The following RABGAP1L variants were observed in gnomAD, a reference collection of about 807,000 sequenced individuals.
RABGAP1L encodes the protein rab GTPase-activating protein 1-like.
RABGAP1L carries 63 observed loss-of-function variants against 137.7 expected under a neutral mutation model. That is an observed-to-expected ratio of 0.46 (90% CI 0.37 to 0.56). The LOEUF (loss-of-function observed/expected upper bound fraction) is 0.56, where lower values mean the gene tolerates loss of function less well. Among genes scored for constraint, RABGAP1L ranks in the 20% least tolerant of loss-of-function variants. The pLI is 0.00. For synonymous variants in RABGAP1L, 431 were observed against 433.7 expected (o/e 0.99, Z 0.08); for missense variants, 1,095 against 1,244.0 (o/e 0.88, Z 1.80).
intron 11 of RABGAP1L, 25 bp from the exon 12 acceptor site, chr1:174,370,954 G>A: frequency 7.9e-6 from 10 of 1,266,230 alleles, no homozygotes; most frequent in Non-Finnish European, 1.1e-5. Flanking sequence ...AATAATGTTT[G>A]TTGGTTTTTG....
At chr1:174,800,111 G>T (rs904939748) in intron 18 of RABGAP1L, 1 of 1,366,874 alleles carries the variant, frequency 7.3e-7, no homozygotes, top group East Asian at 2.8e-5. Context: ...ATTTAGATCA[G>T]TACTTGATTT....
intron 11 of RABGAP1L, among the ~76,000 whole-genome samples, chr1:174,325,361 T>C (rs1239108123): frequency 6.6e-6 from 1 of 152,222 alleles, no homozygotes; most frequent in African/African-American, 2.4e-5. Context: ...TGGAACAAGA[T>C]GGCAGAGTTT....
At chr1:174,491,876 A>G (rs1455269879) in intron 13 of RABGAP1L, among the ~76,000 whole-genome samples, 2 of 152,200 alleles carry the variant, frequency 1.3e-5, no homozygotes, top group East Asian at 3.9e-4. Flanking sequence ...CACTGAATTA[A>G]GTGCAGCGTG....
intron 18 of RABGAP1L, among the ~76,000 whole-genome samples, chr1:174,803,542 C>T (rs1306898184): frequency 6.6e-6 from 1 of 151,422 alleles, no homozygotes; most frequent in African/African-American, 2.4e-5. Flanking sequence ...CTGTTAGATA[C>T]CATAACTAAA....
chr1:174,696,086 C>G (rs566666028), intron 15 of RABGAP1L, among the ~76,000 whole-genome samples: 1 of 152,180 alleles, frequency 6.6e-6, no homozygotes, highest in East Asian at 1.9e-4. Context: ...TGGTACCTGA[C>G]GACTACTGCC....
intron 12 of RABGAP1L, among the ~76,000 whole-genome samples, chr1:174,374,329 A>G (rs941114675): frequency 2.0e-5 from 3 of 152,132 alleles, no homozygotes; most frequent in African/African-American, 7.2e-5. Flanking sequence ...TCTGGTGAAG[A>G]ACAGGGGCAT....
intron 19 of RABGAP1L, chr1:174,945,668 G>A (rs866735729): frequency 3.9e-5 from 6 of 152,254 alleles, no homozygotes; most frequent in Admixed American, 6.5e-5. Context: ...CTGCATGTGG[G>A]TGAAGAAAAG....
chr1:174,538,302 T>C (rs943478979), intron 13 of RABGAP1L, among the ~76,000 whole-genome samples: 3 of 152,236 alleles, frequency 2.0e-5, no homozygotes, highest in Admixed American at 6.5e-5. Flanking sequence ...TTGGTTTCTT[T>C]GTAAATCTCT....
intron 13 of RABGAP1L, among the ~76,000 whole-genome samples, chr1:174,396,992 AT>A (rs976610301): frequency 6.6e-6 from 1 of 151,320 alleles, no homozygotes; most frequent in African/African-American, 2.4e-5. Flanking sequence ...AAAAAAAAAA[AT>A]TAGCTGGGCA....
chr1:174,826,022 G>T (rs1490644289), intron 19 of RABGAP1L, among the ~76,000 whole-genome samples: 1 of 152,172 alleles, frequency 6.6e-6, no homozygotes, highest in Non-Finnish European at 1.5e-5. Flanking sequence ...TGCGCAACAG[G>T]TGGTTTTTCA....
At position 174,814,931 on chromosome 1, in the gene RABGAP1L, G is replaced by T. The variant is rs143759899; in HGVS notation, c.2340+2971G>T. ...TCGAACTCCTGACCCCAAGTAATCC[G>T]TCCGTCTCAGCTTCCCAAAGTGCTG... On this transcript the variant is annotated intron_variant, in intron 19 of 25. Transcript: ENST00000681986. Among the ~76,000 whole-genome samples, 135 of 152,154 alleles carry T rather than the reference G, an allele frequency of 8.9e-4. 1 individual carries two copies. In the East Asian group the frequency reaches 0.021, roughly 23 times the overall value.
intron 13 of RABGAP1L, among the ~76,000 whole-genome samples, chr1:174,450,827 ATTTC>A (rs1655356191): frequency 6.6e-6 from 1 of 152,054 alleles, no homozygotes; most frequent in Non-Finnish European, 1.5e-5. Context: ...AGCATTTTTG[ATTTC>A]TTTGTTTTAT....
At chr1:174,192,772 T>C (rs913247027) in intron 1 of RABGAP1L, among the ~76,000 whole-genome samples, 2 of 151,874 alleles carry the variant, frequency 1.3e-5, no homozygotes, top group African/African-American at 2.4e-5. Flanking sequence ...CACATGAAAA[T>C]AGGAGAACAA....
At chr1:174,451,196 GA>G (rs1310272894) in intron 13 of RABGAP1L, among the ~76,000 whole-genome samples, 3 of 152,108 alleles carry the variant, frequency 2.0e-5, no homozygotes, top group Non-Finnish European at 2.9e-5. Flanking sequence ...TTTAAATTCA[GA>G]CCAGTTCAAG....
intron 11 of RABGAP1L, among the ~76,000 whole-genome samples, chr1:174,368,560 A>G (rs1241292107): frequency 2.0e-5 from 3 of 152,146 alleles, no homozygotes; most frequent in Non-Finnish European, 4.4e-5. Context: ...GGGGTTTTCT[A>G]TAACATTTTT....
chr1:174,704,716 G>A (rs1298561080), intron 17 of RABGAP1L, among the ~76,000 whole-genome samples: 1 of 152,132 alleles, frequency 6.6e-6, no homozygotes, highest in Non-Finnish European at 1.5e-5. Flanking sequence ...TTCAGAATTA[G>A]GAGCTAAAAC....
chr1:174,422,061 G>T lies in RABGAP1L; in HGVS notation c.1710+27916G>T, dbSNP rs145640538. On this transcript the variant is annotated intron_variant, in intron 13 of 25. Transcript: ENST00000681986. ...TGGGATTACAGGTGTGAGCCAACAC[G>T]CCCAGCCTCTGATGAAAGTTTATCA... is the stretch of plus-strand genomic sequence containing the variant. Among the ~76,000 whole-genome samples, 14 of 152,182 alleles carry T rather than the reference G, an allele frequency of 9.2e-5. No homozygotes were observed. In the East Asian group the frequency reaches 2.7e-3, roughly 29 times the overall value.
intron 25 of RABGAP1L, 48 bp downstream of exon 25, chr1:174,988,886 G>T (rs963915396): frequency 6.8e-7 from 1 of 1,478,212 alleles, no homozygotes; most frequent in African/African-American, 1.4e-5. Flanking sequence ...ACAATTAATG[G>T]TCCAGGATAC....
At chr1:174,517,731 T>G (rs1187915594) in intron 13 of RABGAP1L, among the ~76,000 whole-genome samples, 2 of 152,218 alleles carry the variant, frequency 1.3e-5, no homozygotes, top group Admixed American at 1.3e-4. Flanking sequence ...GTTCCACTCC[T>G]GAAGAATGTT....
Sources: gnomAD v4.1 joint callset for allele counts (sites outside exome capture counted in the v4.1 genomes callset) on GRCh38, gnomAD v4.1.1 for gene constraint, MANE v1.5 for transcripts, NCBI Gene and HGNC (gene_info 2026-07-23, HGNC 2026-07-21) for gene names.